The following NAV3 variants were observed in gnomAD, a reference collection of about 807,000 sequenced individuals.
NAV3 encodes the protein pore membrane and/or filament interacting like protein 1.
NAV3 carries 87 observed loss-of-function variants against 244.7 expected under a neutral mutation model. The ratio of observed to expected loss-of-function variants is 0.36; its 90% confidence interval spans 0.30 to 0.42. NAV3 has a LOEUF of 0.42. Among genes scored for constraint, NAV3 ranks in the 20% least tolerant of loss-of-function variants. The probability of loss-of-function intolerance (pLI) is 1.00; values close to 1 mark genes in which losing one functional copy is unlikely to be tolerated. For synonymous variants in NAV3, 1,126 were observed against 1,042.2 expected (o/e 1.08, Z -1.55); for missense variants, 2,663 against 2,893.3 (o/e 0.92, Z 1.83).
At chr12:77,713,015 G>T (rs1217667817) in intron 2 of NAV3, among the ~76,000 whole-genome samples, 1 of 151,974 alleles carries the variant, frequency 6.6e-6, no homozygotes, top group African/African-American at 2.4e-5. Context: ...CTGATACTAG[G>T]GTCACCACAA....
rs759824775 is a variant in NAV3, at chr12:78,205,060, G to A, written c.6960G>A (p.Gly2320=). 3.2e-5 allele frequency: 52 copies of A among 1,613,386 alleles called. No homozygotes were observed. Among genetic ancestry groups the A allele is most frequent in the Admixed American group, 2.8e-4 (17 of 59,852 alleles). Reference sequence around the variant, plus strand: ...TTCAGCTGCGACCAGAAGATGTTGGGTATGAAAGCTGCACATCCACTAAGG... The same window carrying A: ...TTCAGCTGCGACCAGAAGATGTTGGATATGAAAGCTGCACATCCACTAAGG... The part of the protein sequence containing the change: ...ALLQLRPEDV[G]YESCTSTKEA... Residue 2320 remains glycine (G), a synonymous_variant, in exon 39 of 40, where the codon GGG becomes GGA. Coordinates refer to ENST00000397909, the MANE Select transcript of NAV3 (RefSeq NM_001024383.2).
intron 2 of NAV3, among the ~76,000 whole-genome samples, chr12:77,762,029 A>G (rs1398184395): frequency 1.3e-5 from 2 of 152,208 alleles, no homozygotes; most frequent in Non-Finnish European, 2.9e-5. Context: ...GAACCCACCC[A>G]AATGCCCATC....
intron 22 of NAV3, among the ~76,000 whole-genome samples, chr12:78,156,945 T>A (rs1482590150): frequency 1.3e-5 from 2 of 152,130 alleles, no homozygotes; most frequent in African/African-American, 4.8e-5. Flanking sequence ...AAAAGAATCA[T>A]GCCATTTGAT....
chr12:77,829,491 C>T (rs1446804948), upstream of NAV3, among the ~76,000 whole-genome samples: 3 of 152,164 alleles, frequency 2.0e-5, no homozygotes, highest in Non-Finnish European at 2.9e-5. Flanking sequence ...TTGCATATGT[C>T]TTATTATGAA....
At chr12:78,078,169 G>A (rs1953148949) in intron 12 of NAV3, among the ~76,000 whole-genome samples, 1 of 152,050 alleles carries the variant, frequency 6.6e-6, no homozygotes, top group Non-Finnish European at 1.5e-5. Flanking sequence ...ACTCCAATGA[G>A]CTCTCTTTAA....
intron 2 of NAV3, among the ~76,000 whole-genome samples, chr12:77,623,759 C>A (rs17793307): frequency 2.6e-5 from 4 of 151,996 alleles, no homozygotes; most frequent in Non-Finnish European, 5.9e-5. Context: ...ATGATAAAGA[C>A]GAACATTTCA....
chr12:77,690,836 C>A (rs1323604492), intron 2 of NAV3, among the ~76,000 whole-genome samples: 3 of 6,416 alleles, frequency 4.7e-4, no homozygotes, highest in Non-Finnish European at 1.2e-3. Context: ...TTTTCTCTCT[C>A]TTCCTAATAT....
chr12:77,622,778 CAT>C (rs1322858605), intron 2 of NAV3, among the ~76,000 whole-genome samples: 1 of 151,926 alleles, frequency 6.6e-6, no homozygotes, highest in African/African-American at 2.4e-5. Context: ...ATTTATGAAA[CAT>C]AAAGTTGGAT....
chr12:77,794,573 G>A (rs1243855751), intron 2 of NAV3, among the ~76,000 whole-genome samples: 1 of 152,116 alleles, frequency 6.6e-6, no homozygotes, highest in African/African-American at 2.4e-5. Context: ...ATACTTCCTT[G>A]TGTTGTGCTT....
intron 1 of NAV3, among the ~76,000 whole-genome samples, chr12:77,852,558 A>AATAC (rs1392831548): frequency 6.6e-6 from 1 of 152,032 alleles, no homozygotes; most frequent in Non-Finnish European, 1.5e-5. Context: ...TAAATAAATA[A>AATAC]ATAAATAAAT....
At chr12:78,073,406 G>T (rs1180249005) in intron 12 of NAV3, among the ~76,000 whole-genome samples, 1 of 150,998 alleles carries the variant, frequency 6.6e-6, no homozygotes, top group Non-Finnish European at 1.5e-5. Flanking sequence ...GACAAACAGA[G>T]AGCCAAATCA....
intron 2 of NAV3, among the ~76,000 whole-genome samples, chr12:77,756,701 C>G (rs1348321862): frequency 6.6e-6 from 1 of 152,030 alleles, no homozygotes; most frequent in East Asian, 1.9e-4. Context: ...TTTTAATTTT[C>G]TTATTTGAAA....
At chr12:77,915,646 C>T (rs147122637) in intron 1 of NAV3, among the ~76,000 whole-genome samples, 5 of 151,994 alleles carry the variant, frequency 3.3e-5, no homozygotes, top group African/African-American at 1.2e-4. Context: ...GAGGAGGGTA[C>T]ATTTTCTATA....
intron 22 of NAV3, among the ~76,000 whole-genome samples, chr12:78,153,455 T>A (rs1957153145): frequency 6.6e-6 from 1 of 152,000 alleles, no homozygotes; most frequent in Admixed American, 6.6e-5. Flanking sequence ...GATCAATAAC[T>A]CACCAACAAA....
intron 9 of NAV3, among the ~76,000 whole-genome samples, chr12:78,023,278 G>C (rs1275976856): frequency 1.3e-5 from 2 of 152,088 alleles, no homozygotes; most frequent in Non-Finnish European, 2.9e-5. Context: ...ATATCTGATT[G>C]AATAGTCTGT....
At chr12:77,768,186 T>C (rs554274290) in intron 2 of NAV3, among the ~76,000 whole-genome samples, 1 of 152,294 alleles carries the variant, frequency 6.6e-6, no homozygotes, top group South Asian at 2.1e-4. Context: ...CATGCTGATT[T>C]GTTCATGGGT....
At chr12:78,060,595 G>T (rs1220923577) in intron 12 of NAV3, among the ~76,000 whole-genome samples, 3 of 152,144 alleles carry the variant, frequency 2.0e-5, no homozygotes, top group African/African-American at 7.2e-5. Context: ...ACAAATTAAT[G>T]AATATAGGCT....
intron 28 of NAV3, among the ~76,000 whole-genome samples, chr12:78,178,008 GTT>G (rs3054760): frequency 0.41 from 60,965 of 149,520 alleles, 12,856 homozygotes; most frequent in Non-Finnish European, 0.49. Context: ...TGTATATTAT[GTT>G]TTTTTTTTCT....
At chr12:78,169,789 A>G (rs1483207757) in intron 24 of NAV3, among the ~76,000 whole-genome samples, 2 of 151,782 alleles carry the variant, frequency 1.3e-5, no homozygotes, top group South Asian at 2.1e-4. Flanking sequence ...TAAAACGTTT[A>G]TAATTCTTAT....
Sources: allele counts gnomAD v4.1 joint callset (sites outside exome capture counted in the v4.1 genomes callset), GRCh38; gene constraint gnomAD v4.1.1; transcripts MANE v1.5; gene names NCBI Gene and HGNC (gene_info 2026-07-23, HGNC 2026-07-21).